SLC9A3: variants seen among roughly 807,000 people sequenced by gnomAD.
SLC9A3 encodes solute carrier family 9 member A3.
Under a neutral mutation model 86.8 loss-of-function variants are expected in SLC9A3, and 37 were observed. The ratio of observed to expected loss-of-function variants is 0.43; its 90% CI spans 0.33 to 0.56. The LOEUF (loss-of-function observed/expected upper bound fraction) is 0.56, where lower values mean the gene tolerates loss of function less well. SLC9A3 is among the 20% of genes least tolerant of loss of function. SLC9A3 has a pLI of 0.06. For missense variants in SLC9A3, 1,011 were observed against 1,171.9 expected (o/e 0.86, Z 2.00); for synonymous variants, 581 against 528.3 (o/e 1.10, Z -1.37).
In SLC9A3 at chr5:482,743, G is replaced by A. The variant is rs1739269790; in HGVS notation, c.1161C>T (p.Val387=). The A allele has an allele frequency of 6.2e-7, 1 of 1,601,316 alleles. No homozygotes were observed. The highest frequency in any genetic ancestry group is 8.5e-7 in the Non-Finnish European group (1 of 1,174,866). The change falls in exon 7 of 17, where the codon GTC becomes GTT. Residue 387 remains valine (V), a synonymous_variant. Transcript: ENST00000264938. ...AGCGGTTCAGAAGCCAGGTCTGCAGGACCACACCTGCGGATGATGGGGCGG... is the reference window on the plus strand; with the variant it reads ...AGCGGTTCAGAAGCCAGGTCTGCAGAACCACACCTGCGGATGATGGGGCGG... ...FISVYRAIGV[V]LQTWLLNRYR... is the part of the protein sequence containing the mutation.
rs1739724037 is a variant in SLC9A3, at chr5:491,271, G to A, written c.514+498C>T. On this transcript the variant is annotated intron_variant, in intron 2 of 16. Coordinates refer to ENST00000264938, the MANE Select transcript of SLC9A3 (RefSeq NM_004174.4). This position sits in a 1 kb window ranked among gnomAD's most constrained non-coding sequence, Gnocchi z 9.2. ...ATGTTGAGAGGCGCCAGCCACGCGT[G>A]GTCTGGGTCCGGGGCGGGAGGCAGT... Among the ~76,000 whole-genome samples, 1 of 152,122 alleles carries A rather than the reference G, an allele frequency of 6.6e-6. No homozygotes were observed.
intron 10 of SLC9A3, chr5:479,058 G>A (rs1277887431): frequency 6.5e-6 from 1 of 153,006 alleles, no homozygotes; most frequent in Non-Finnish European, 1.5e-5. Context: ...GGTTTGGCAG[G>A]ACAGGTCTTT....
At chr5:501,949 G>GC (rs1434603498) in intron 1 of SLC9A3, among the ~76,000 whole-genome samples, 10 of 152,226 alleles carry the variant, frequency 6.6e-5, no homozygotes, top group Non-Finnish European at 1.0e-4. Flanking sequence ...GCGAGGCCGG[G>GC]CCCCCGGGCC....
chr5:492,409 GGT>G (rs1242120310), intron 1 of SLC9A3, among the ~76,000 whole-genome samples: 1 of 135,302 alleles, frequency 7.4e-6, no homozygotes, highest in East Asian at 2.2e-4. Context: ...GGGAGGTCGG[GGT>G]GGGACCTGCG....
Position 485,231 on chromosome 5 carries a change from C to A in SLC9A3, c.676G>T (p.Val226Phe). The change falls in exon 4 of 17, where the codon GTT becomes TTT. Residue 226 changes from valine to phenylalanine, a missense_variant and splice_region_variant. By Grantham distance (50) the Val-to-Phe change is conservative. Coordinates refer to ENST00000264938, the MANE Select transcript of SLC9A3 (RefSeq NM_004174.4). ...ESLLNDAVTV[V>F]LYNVFESFVA... ...AAAGATTCAAACACATTGTACAGAACCTGCAGGGAAAACGGGCAGGGCGTT... is the reference window on the plus strand; with the variant it reads ...AAAGATTCAAACACATTGTACAGAAACTGCAGGGAAAACGGGCAGGGCGTT... 1.2e-6 allele frequency: 2 copies of A among 1,613,234 alleles called. No homozygotes were observed. Among genetic ancestry groups the A allele is most frequent in the Non-Finnish European group, 1.7e-6 (2 of 1,179,886 alleles).
At position 496,639 on chromosome 5, in the gene SLC9A3, T is replaced by G. The variant is rs766973378; in HGVS notation, c.212-4568A>C. 1.4e-4 allele frequency among the ~76,000 whole-genome samples: 21 copies of G among 152,358 alleles called. No homozygotes were observed. Among genetic ancestry groups the G allele is most frequent in the Non-Finnish European group, 1.8e-4 (12 of 68,042 alleles). On this transcript the variant is annotated intron_variant, in intron 1 of 16. Coordinates refer to ENST00000264938, the MANE Select transcript of SLC9A3 (RefSeq NM_004174.4). The surrounding 1 kb of genome is among the most constrained non-coding windows in gnomAD (Gnocchi z 4.7). ...ACGTCTTTTCTTTTTATAGTTAAAT[T>G]TATTGGTCTTTTGTTTTATGGCTTC...
Position 524,146 on chromosome 5 carries a change from C to T in SLC9A3, c.177G>A (p.Ala59=), listed in dbSNP as rs1253265166. The change falls in exon 1 of 17, where the codon GCG becomes GCA. Residue 59 remains alanine, a synonymous_variant. Transcript: ENST00000264938. ...WAHVQDPYVI[A]LWILVASLAK... is the part of the protein sequence containing the mutation. Reference sequence around the variant, plus strand: ...CCAAGCTGGCCACGAGGATCCAGAGCGCGATGACGTAGGGATCCTGCACGT... The same window carrying T: ...CCAAGCTGGCCACGAGGATCCAGAGTGCGATGACGTAGGGATCCTGCACGT... The T allele has an allele frequency of 1.9e-6, 3 of 1,539,800 alleles. No individual in the cohort carries two copies. In the South Asian group the frequency reaches 3.6e-5, roughly 19 times the overall value.
intron 1 of SLC9A3, among the ~76,000 whole-genome samples, chr5:502,971 C>T (rs972080701): frequency 6.6e-6 from 1 of 152,262 alleles, no homozygotes; most frequent in Non-Finnish European, 1.5e-5. Context: ...CCACTGAGGC[C>T]GAAAGCCGCT....
chr5:489,359 T>TGCTGC (rs995701982), intron 2 of SLC9A3, among the ~76,000 whole-genome samples: 1 of 152,170 alleles, frequency 6.6e-6, no homozygotes, highest in African/African-American at 2.4e-5. Context: ...CCCGCACAGC[T>TGCTGC]GCTGCCTCTC....
At chr5:504,499 C>G (rs1405601968) in intron 1 of SLC9A3, among the ~76,000 whole-genome samples, 2 of 152,166 alleles carry the variant, frequency 1.3e-5, no homozygotes, top group Non-Finnish European at 2.9e-5. Context: ...GTGTGTCCGG[C>G]GGCGGCAGCC....
intron 3 of SLC9A3, 21 bp downstream of exon 3, chr5:488,295 A>AGCGG: frequency 1.9e-6 from 3 of 1,611,336 alleles, no homozygotes; most frequent in Non-Finnish European, 2.5e-6. Flanking sequence ...CCCGCTCTGG[A>AGCGG]GCGGTGGCTC....
intron 1 of SLC9A3, among the ~76,000 whole-genome samples, chr5:503,189 A>G (rs1202714448): frequency 6.6e-6 from 1 of 152,244 alleles, no homozygotes; most frequent in Non-Finnish European, 1.5e-5. Context: ...ACAGATCAGA[A>G]GAAATCATCC....
chr5:494,511 G>A (rs1195578244), intron 1 of SLC9A3, among the ~76,000 whole-genome samples: 2 of 152,226 alleles, frequency 1.3e-5, no homozygotes, highest in Non-Finnish European at 2.9e-5. Flanking sequence ...GTCCTGCTGG[G>A]GGTCCCTATG....
intron 1 of SLC9A3, among the ~76,000 whole-genome samples, chr5:499,210 A>T (rs1740158635): frequency 6.6e-6 from 1 of 152,226 alleles, no homozygotes; most frequent in East Asian, 1.9e-4. Context: ...TAGCTGGTGA[A>T]ACCAAGAACT....
At chr5:512,390 C>T (rs59251957) in intron 1 of SLC9A3, among the ~76,000 whole-genome samples, 1 of 150,004 alleles carries the variant, frequency 6.7e-6, no homozygotes, top group Non-Finnish European at 1.5e-5. Context: ...CGAGCCCTAA[C>T]GTAAACCGTG....
intron 1 of SLC9A3, among the ~76,000 whole-genome samples, chr5:498,547 G>A (rs1049188504): frequency 2.6e-5 from 4 of 152,170 alleles, no homozygotes; most frequent in Non-Finnish European, 4.4e-5. Flanking sequence ...GATTACAGGC[G>A]TGCGCCACCA....
At chr5:477,294 C>A (rs200819638) in intron 11 of SLC9A3, 38 bp downstream of exon 11, 2 of 1,436,162 alleles carry the variant, frequency 1.4e-6, no homozygotes, top group South Asian at 1.2e-5. Flanking sequence ...CGAGGCTGGG[C>A]TCTTCCCCAG....
At chr5:522,743 A>T (rs1184135542) in intron 1 of SLC9A3, among the ~76,000 whole-genome samples, 1 of 151,372 alleles carries the variant, frequency 6.6e-6, no homozygotes, top group Non-Finnish European at 1.5e-5. Flanking sequence ...CTATCTCAAA[A>T]AAAAAAAAAA....
At chr5:493,936 G>A (rs1020363492) in intron 1 of SLC9A3, among the ~76,000 whole-genome samples, 1 of 152,244 alleles carries the variant, frequency 6.6e-6, no homozygotes, top group African/African-American at 2.4e-5. Context: ...AACCAAACCA[G>A]GGGAGGGCAT....
Sources: gnomAD v4.1 joint callset for allele counts (sites outside exome capture counted in the v4.1 genomes callset) on GRCh38, gnomAD v4.1.1 for gene constraint, Gnocchi (gnomAD v3.1) non-coding constraint, MANE v1.5 for transcripts, NCBI Gene and HGNC (gene_info 2026-07-23, HGNC 2026-07-21) for gene names.